Variants in EPC2 observed in about 807,000 individuals in gnomAD.
The protein encoded by EPC2 is enhancer of polycomb 2.
In EPC2, 14 loss-of-function variants were observed where a neutral mutation model predicts 92.1. The observed-to-expected ratio is 0.15, with a 90% CI of 0.10 to 0.24. The LOEUF (loss-of-function observed/expected upper bound fraction) is 0.24, where lower values mean the gene tolerates loss of function less well. Among genes scored for constraint, EPC2 ranks in the 10% least tolerant of loss-of-function variants. EPC2 has a pLI of 1.00. For missense variants in EPC2, 755 were observed against 971.5 expected (o/e 0.78, Z 2.96); for synonymous variants, 340 against 334.7 (o/e 1.02, Z -0.17).
intron 2 of EPC2, among the ~76,000 whole-genome samples, chr2:148,703,994 C>T (rs1003501122): frequency 9.2e-5 from 14 of 152,128 alleles, no homozygotes; most frequent in African/African-American, 3.1e-4. Flanking sequence ...ACAGTATGAT[C>T]GTCCCTCAGA....
At chr2:148,757,115 G>A (rs954648850) in intron 4 of EPC2, among the ~76,000 whole-genome samples, 24 of 152,182 alleles carry the variant, frequency 1.6e-4, no homozygotes, top group Non-Finnish European at 2.8e-4. Flanking sequence ...GGTGGCTCAC[G>A]CCTGTAATCC....
At chr2:148,710,979 A>C (rs1682129315) in intron 2 of EPC2, among the ~76,000 whole-genome samples, 1 of 152,170 alleles carries the variant, frequency 6.6e-6, no homozygotes, top group African/African-American at 2.4e-5. Context: ...TATTTCATTC[A>C]GTCTCTCTTT....
chr2:148,677,738 C>G (rs538445023), intron 1 of EPC2, among the ~76,000 whole-genome samples: 26 of 151,888 alleles, frequency 1.7e-4, no homozygotes, highest in African/African-American at 5.8e-4. Context: ...CTGGTGGGTT[C>G]GTGGTCTCGC....
At chr2:148,706,624 G>A (rs978139088) in intron 2 of EPC2, among the ~76,000 whole-genome samples, 16 of 152,210 alleles carry the variant, frequency 1.1e-4, no homozygotes, top group African/African-American at 3.9e-4. Context: ...ACAAAGAGAA[G>A]CCTATCAGAC....
intron 1 of EPC2, among the ~76,000 whole-genome samples, chr2:148,649,189 T>A (rs1388835270): frequency 6.6e-6 from 1 of 152,234 alleles, no homozygotes; most frequent in Non-Finnish European, 1.5e-5. Context: ...ATCCTTTTTT[T>A]AAATAAACTT....
chr2:148,688,336 C>T (rs1453703753), intron 1 of EPC2, among the ~76,000 whole-genome samples: 2 of 151,970 alleles, frequency 1.3e-5, no homozygotes, highest in African/African-American at 2.4e-5. Flanking sequence ...CACATGTGCT[C>T]ACTCATAGGT....
At chr2:148,755,333 A>G (rs925995725) in intron 4 of EPC2, among the ~76,000 whole-genome samples, 3 of 152,176 alleles carry the variant, frequency 2.0e-5, no homozygotes, top group Non-Finnish European at 4.4e-5. Context: ...GACTTTATAA[A>G]TGTGGACTAT....
Position 148,761,942 on chromosome 2 carries a change from C to G in EPC2, c.815+12C>G. 6.4e-7 allele frequency: 1 copy of G among 1,553,574 alleles called. No homozygotes were observed. Among genetic ancestry groups the G allele is most frequent in the Non-Finnish European group, 8.6e-7 (1 of 1,159,950 alleles). On this transcript the variant is annotated intron_variant, in intron 5 of 13. Transcript: ENST00000258484. ...GTTGTGGAGAAAAGGTAACATTGCT[C>G]CTGTTACAACAGTAAAATGACAACT...
At chr2:148,774,606 CAAAA>C (rs913773224) in intron 10 of EPC2, among the ~76,000 whole-genome samples, 1 of 104,302 alleles carries the variant, frequency 9.6e-6, no homozygotes, top group African/African-American at 3.2e-5. Context: ...GACCCTGACT[CAAAA>C]AAAAAAATAT....
chr2:148,653,445 T>C (rs529292818), intron 1 of EPC2, among the ~76,000 whole-genome samples: 32 of 152,346 alleles, frequency 2.1e-4, no homozygotes, highest in Admixed American at 3.3e-4. Context: ...TTATTTGCCT[T>C]GTCTATACTA....
intron 1 of EPC2, among the ~76,000 whole-genome samples, chr2:148,671,272 CTA>C (rs775335292): frequency 1.4e-5 from 2 of 144,304 alleles, no homozygotes; most frequent in Non-Finnish European, 3.0e-5. Flanking sequence ...TGCTAAATCT[CTA>C]TTGTGGATTG....
chr2:148,694,995 A>T (rs1484862360), intron 2 of EPC2, among the ~76,000 whole-genome samples: 1 of 151,566 alleles, frequency 6.6e-6, no homozygotes, highest in Admixed American at 6.6e-5. Context: ...CTTATCTTGG[A>T]CTCCTGGCCT....
intron 2 of EPC2, among the ~76,000 whole-genome samples, chr2:148,704,434 G>A (rs998379091): frequency 1.3e-5 from 2 of 152,168 alleles, no homozygotes; most frequent in African/African-American, 2.4e-5. Flanking sequence ...TAGGGAGACA[G>A]ATAGTGGTGA....
chr2:148,729,586 C>T (rs1489019232), intron 2 of EPC2, among the ~76,000 whole-genome samples: 2 of 152,090 alleles, frequency 1.3e-5, no homozygotes, highest in East Asian at 3.9e-4. Flanking sequence ...TGCATTTTTA[C>T]CTTCTAAACT....
intron 1 of EPC2, among the ~76,000 whole-genome samples, chr2:148,676,054 A>T (rs1176932030): frequency 6.6e-6 from 1 of 152,170 alleles, no homozygotes; most frequent in East Asian, 1.9e-4. Context: ...AAGAAAAACA[A>T]CAACAACAAT....
At chr2:148,652,509 G>A (rs564252305) in intron 1 of EPC2, among the ~76,000 whole-genome samples, 5 of 152,206 alleles carry the variant, frequency 3.3e-5, no homozygotes, top group Admixed American at 6.5e-5. Context: ...GTTTGACCGC[G>A]TAGAAATTAT....
intron 1 of EPC2, among the ~76,000 whole-genome samples, chr2:148,681,557 C>T (rs1043360116): frequency 6.6e-6 from 1 of 152,138 alleles, no homozygotes; most frequent in Non-Finnish European, 1.5e-5. Flanking sequence ...CAATAAAAAA[C>T]ATTTTACAAA....
Position 148,770,122 on chromosome 2 carries a change from A to G in EPC2, c.1231-670A>G, listed in dbSNP as rs539839899. ...GTGCAATGGTGCAATCATACAGTTC[A>G]CCGTAACTTCAAACTCCTGGGCTCC... is the stretch of plus-strand genomic sequence containing the variant. On this transcript the variant is annotated intron_variant, in intron 8 of 13. Coordinates refer to ENST00000258484, the MANE Select transcript of EPC2 (RefSeq NM_015630.4). Among the ~76,000 whole-genome samples, 14 of 152,206 alleles carry G rather than the reference A, an allele frequency of 9.2e-5. No homozygotes were observed. The South Asian group carries it at 1.9e-3, about 20-fold the overall frequency.
chr2:148,765,358 C>T (rs1003475392), intron 7 of EPC2, among the ~76,000 whole-genome samples: 1 of 151,970 alleles, frequency 6.6e-6, no homozygotes, highest in East Asian at 1.9e-4. Flanking sequence ...TTTTGTGGAG[C>T]GCATGGTTTT....
Sources: gnomAD v4.1 joint callset for allele counts (sites outside exome capture counted in the v4.1 genomes callset) on GRCh38, gnomAD v4.1.1 for gene constraint, MANE v1.5 for transcripts, NCBI Gene and HGNC (gene_info 2026-07-23, HGNC 2026-07-21) for gene names.